The following PLEKHA5 variants were observed in gnomAD, a reference collection of about 807,000 sequenced individuals.
The protein encoded by PLEKHA5 is pleckstrin homology domain containing A5, also known as pleckstrin homology domain-containing family A member 5.
Under a neutral mutation model 181.9 loss-of-function variants are expected in PLEKHA5, and 55 were observed. The observed-to-expected ratio is 0.30, with a 90% CI of 0.24 to 0.38. PLEKHA5 has a LOEUF of 0.38. Ranked by LOEUF, PLEKHA5 falls within the 10% of genes least tolerant of loss-of-function variation. The pLI, the probability that PLEKHA5 is intolerant of heterozygous loss-of-function variation, is 1.00. For missense variants in PLEKHA5, 1,432 were observed against 1,549.5 expected (o/e 0.92, Z 1.27); for synonymous variants, 535 against 529.4 (o/e 1.01, Z -0.15).
intron 3 of PLEKHA5, among the ~76,000 whole-genome samples, chr12:19,187,599 C>T (rs1242597572): frequency 3.9e-5 from 6 of 152,092 alleles, no homozygotes; most frequent in Non-Finnish European, 8.8e-5. Flanking sequence ...TGACCTAGCT[C>T]AGAGGTCAAG....
chr12:19,343,941 A>G (rs958708632), intron 22 of PLEKHA5, among the ~76,000 whole-genome samples: 2 of 151,756 alleles, frequency 1.3e-5, no homozygotes, highest in Non-Finnish European at 2.9e-5. Context: ...AGTCCCAAAT[A>G]CTCAGGAAGC....
chr12:19,353,215 G>A (rs566200091), intron 25 of PLEKHA5, among the ~76,000 whole-genome samples: 15 of 152,118 alleles, frequency 9.9e-5, no homozygotes, highest in African/African-American at 3.1e-4. Flanking sequence ...GTGCCGTGGC[G>A]CTATCTCAGC....
intron 3 of PLEKHA5, among the ~76,000 whole-genome samples, chr12:19,181,702 G>A (rs1202472188): frequency 1.3e-5 from 2 of 152,120 alleles, no homozygotes; most frequent in African/African-American, 4.8e-5. Context: ...CTTGAACCTG[G>A]GAGGCAGAGG....
chr12:19,199,052 A>G (rs1206989797), intron 3 of PLEKHA5, among the ~76,000 whole-genome samples: 1 of 152,176 alleles, frequency 6.6e-6, no homozygotes, highest in Non-Finnish European at 1.5e-5. Flanking sequence ...TTATCTTGCC[A>G]TATGCTAAGT....
intron 3 of PLEKHA5, among the ~76,000 whole-genome samples, chr12:19,192,679 G>C (rs774941791): frequency 6.6e-6 from 1 of 152,286 alleles, no homozygotes; most frequent in African/African-American, 2.4e-5. Context: ...GCAGTGCAGC[G>C]TGGGCCACAG....
intron 3 of PLEKHA5, among the ~76,000 whole-genome samples, chr12:19,218,635 C>G (rs916354546): frequency 7.9e-5 from 12 of 152,154 alleles, no homozygotes; most frequent in African/African-American, 2.6e-4. Flanking sequence ...AATATTTTCT[C>G]TGTAAAAAAC....
At chr12:19,311,999 GATGTT>G (rs2086712191) in intron 15 of PLEKHA5, among the ~76,000 whole-genome samples, 1 of 152,126 alleles carries the variant, frequency 6.6e-6, no homozygotes, top group Non-Finnish European at 1.5e-5. Context: ...CTGCAGAATG[GATGTT>G]ATGTTAACAG....
chr12:19,162,976 T>C (rs2043332332), intron 3 of PLEKHA5, among the ~76,000 whole-genome samples: 1 of 152,136 alleles, frequency 6.6e-6, no homozygotes. Context: ...AAAAACCTAA[T>C]ATTTATTTAG....
intron 3 of PLEKHA5, chr12:19,153,993 G>C (rs1390547717): frequency 3.3e-5 from 5 of 152,060 alleles, no homozygotes; most frequent in African/African-American, 1.2e-4. Context: ...GTGACTTCTT[G>C]TTTTCTCTGT....
intron 3 of PLEKHA5, among the ~76,000 whole-genome samples, chr12:19,195,665 C>T: frequency 1.0e-5 from 1 of 100,400 alleles, no homozygotes; most frequent in Admixed American, 1.2e-4. Flanking sequence ...AGAGAGAGAC[C>T]CTGTCTCAAA....
At chr12:19,213,476 G>C (rs2057364501) in intron 3 of PLEKHA5, among the ~76,000 whole-genome samples, 1 of 152,166 alleles carries the variant, frequency 6.6e-6, no homozygotes, top group African/African-American at 2.4e-5. Context: ...GAGGAAGGCA[G>C]ATCTGAAAAG....
intron 3 of PLEKHA5, among the ~76,000 whole-genome samples, chr12:19,234,317 C>A (rs1213532659): frequency 6.6e-6 from 1 of 152,134 alleles, no homozygotes; most frequent in Non-Finnish European, 1.5e-5. Context: ...AGCTCTTTCT[C>A]CTTCTTATTA....
In PLEKHA5 at chr12:19,275,417, T is replaced by C. The variant is rs922359950; in HGVS notation, c.1313+434T>C. On this transcript the variant is annotated intron_variant, in intron 11 of 31. Coordinates refer to ENST00000429027, the MANE Select transcript of PLEKHA5 (RefSeq NM_001256470.2). ...TATGGAGGCAGCAAAGGCCTACTGC[T>C]CTCTAATTCCCAGTCTTATTCTTGG... Among the ~76,000 whole-genome samples the C allele has an allele frequency of 5.3e-5, 8 of 152,250 alleles. No homozygotes were observed. In the East Asian group the frequency reaches 1.4e-3, roughly 26 times the overall value.
intron 15 of PLEKHA5, among the ~76,000 whole-genome samples, chr12:19,302,906 A>ATTTTTTTTTTTTTTTTTTT (rs34702332): frequency 7.4e-5 from 4 of 53,966 alleles, no homozygotes; most frequent in Admixed American, 3.8e-4. Context: ...TCTGTATGAA[A>ATTTTTTTTTTTTTTTTTTT]TTTTTTTTTT....
In PLEKHA5 at chr12:19,129,811, T is replaced by A; in HGVS notation, c.12T>A (p.Asp4Glu). The A allele has an allele frequency of 6.3e-7, 1 of 1,599,894 alleles. No homozygotes were observed. Among genetic ancestry groups the A allele is most frequent in the Non-Finnish European group, 8.5e-7 (1 of 1,174,004 alleles). The stretch of plus-strand genomic sequence containing the variant: ...GCTAGGGATCAGACATGGCGGCGGA[T>A]CTGAACCTGGAGTGGATCTCCCTGC... Reference protein sequence around the residue: MAADLNLEWISLPR... With the variant: MAAELNLEWISLPR... Residue 4 changes from aspartate to glutamate, a missense_variant, in exon 1 of 32, where the codon GAT (aspartate) becomes GAA (glutamate). Physicochemically the swap from Asp to Glu is conservative, Grantham distance 45. Transcript: ENST00000429027.
At chr12:19,356,574 C>T (rs2094937166) in intron 26 of PLEKHA5, among the ~76,000 whole-genome samples, 1 of 151,382 alleles carries the variant, frequency 6.6e-6, no homozygotes, top group African/African-American at 2.4e-5. Context: ...TATATTTTAC[C>T]ACTTATTAAG....
At chr12:19,267,578 C>G (rs4963551) in intron 8 of PLEKHA5, among the ~76,000 whole-genome samples, 4 of 151,558 alleles carry the variant, frequency 2.6e-5, no homozygotes, top group African/African-American at 9.7e-5. Context: ...GAGAATCACT[C>G]GAACCTGGGA....
rs2064792820 is a variant in PLEKHA5, at chr12:19,249,862, A to G, written c.228-4078A>G. On this transcript the variant is annotated intron_variant, in intron 3 of 31. Transcript: ENST00000429027. ...TCTGTTGTGTTTACAGAAATACAGG[A>G]ACACGAATAGTAAATATTGCTTTTC... 3.3e-5 allele frequency among the ~76,000 whole-genome samples: 5 copies of G among 152,348 alleles called. No individual in the cohort carries two copies. The South Asian group carries it at 1.0e-3, about 32-fold the overall frequency.
intron 3 of PLEKHA5, among the ~76,000 whole-genome samples, chr12:19,249,368 G>A (rs1376780761): frequency 6.6e-6 from 1 of 152,088 alleles, no homozygotes; most frequent in African/African-American, 2.4e-5. Context: ...TAACTAACGG[G>A]GCAGGTTGCA....
Sources: allele counts gnomAD v4.1 joint callset (sites outside exome capture counted in the v4.1 genomes callset), GRCh38; gene constraint gnomAD v4.1.1; transcripts MANE v1.5; gene names NCBI Gene and HGNC (gene_info 2026-07-23, HGNC 2026-07-21).